The following AGO3 variants were observed in gnomAD, a reference collection of about 807,000 sequenced individuals.
AGO3 encodes the protein argonaute RISC catalytic component 3, also known as protein argonaute-3.
AGO3 carries 16 observed loss-of-function variants against 105.5 expected under a neutral mutation model. The observed-to-expected ratio is 0.15, with a 90% confidence interval of 0.10 to 0.23. AGO3 has a LOEUF of 0.23. Among genes scored for constraint, AGO3 ranks in the 10% least tolerant of loss-of-function variants. AGO3 has a pLI of 1.00. For missense variants in AGO3, 534 were observed against 1,088.0 expected (o/e 0.49, Z 7.16); for synonymous variants, 340 against 367.3 (o/e 0.93, Z 0.85).
At chr1:35,975,312 T>A (rs976466677) in intron 5 of AGO3, among the ~76,000 whole-genome samples, 2 of 152,186 alleles carry the variant, frequency 1.3e-5, no homozygotes, top group Non-Finnish European at 2.9e-5. Flanking sequence ...TCTTGTGTCT[T>A]CTTAATTTGT....
chr1:35,952,905 G>C (rs1646499689), intron 2 of AGO3, among the ~76,000 whole-genome samples: 1 of 152,012 alleles, frequency 6.6e-6, no homozygotes, highest in African/African-American at 2.4e-5. Flanking sequence ...CCTTTTTATT[G>C]CTGAATAATA....
chr1:36,025,432 T>C (rs1282451268), intron 11 of AGO3, among the ~76,000 whole-genome samples: 1 of 152,084 alleles, frequency 6.6e-6, no homozygotes, highest in Non-Finnish European at 1.5e-5. Flanking sequence ...ACAAAACCAT[T>C]TCCAATGTTT....
intron 3 of AGO3, among the ~76,000 whole-genome samples, chr1:35,967,299 T>C (rs926082025): frequency 6.6e-6 from 1 of 152,214 alleles, no homozygotes; most frequent in African/African-American, 2.4e-5. Context: ...TCTGAACATT[T>C]CCACCTTTGT....
At chr1:35,940,039 A>G (rs1312912069) in intron 1 of AGO3, among the ~76,000 whole-genome samples, 1 of 151,860 alleles carries the variant, frequency 6.6e-6, no homozygotes, top group African/African-American at 2.4e-5. Context: ...TGTCTCACAT[A>G]TTATTTTTTA....
chr1:36,023,320 T>C (rs144127007), intron 11 of AGO3, among the ~76,000 whole-genome samples: 9 of 152,308 alleles, frequency 5.9e-5, no homozygotes, highest in African/African-American at 2.2e-4. Flanking sequence ...ACTCAGTGCT[T>C]CTGGGGATTG....
intron 1 of AGO3, among the ~76,000 whole-genome samples, chr1:35,941,796 G>A (rs994666894): frequency 3.3e-5 from 5 of 152,138 alleles, no homozygotes; most frequent in African/African-American, 9.7e-5. Flanking sequence ...AGTTCAGGAC[G>A]AGCCTGGGCA....
At chr1:35,975,072 T>C (rs982660186) in intron 5 of AGO3, among the ~76,000 whole-genome samples, 3 of 152,184 alleles carry the variant, frequency 2.0e-5, no homozygotes, top group Non-Finnish European at 4.4e-5. Context: ...TTTTACATCA[T>C]TTTATGTATA....
chr1:36,002,623 T>G (rs1436999849), intron 5 of AGO3, among the ~76,000 whole-genome samples: 3 of 142,150 alleles, frequency 2.1e-5, no homozygotes, highest in Non-Finnish European at 3.1e-5. Context: ...TGAGCCACCG[T>G]GCCCGGCCAA....
intron 11 of AGO3, among the ~76,000 whole-genome samples, chr1:36,026,738 A>G (rs1270526391): frequency 3.3e-5 from 5 of 152,180 alleles, no homozygotes; most frequent in African/African-American, 4.8e-5. Context: ...CTTCACACCA[A>G]CCCTATAGTT....
chr1:36,040,552 C>A, intron 16 of AGO3, 111 bp downstream of exon 16: 1 of 1,133,658 alleles, frequency 8.8e-7, no homozygotes, highest in Non-Finnish European at 1.3e-6. Context: ...TATATAGTAG[C>A]AAATTTCAAC....
chr1:36,061,246 A>C lies in AGO3; in HGVS notation c.*5501A>C, dbSNP rs1643023527. ...TAATCTCACACACACACACAAAGGG[A>C]AAAATTATTTTGACTTTTTTCCTAC... On this transcript the variant is annotated 3_prime_UTR_variant, in exon 19 of 19. Coordinates refer to ENST00000373191, the MANE Select transcript of AGO3 (RefSeq NM_024852.4). 1 of 152,064 alleles carries C rather than the reference A, an allele frequency of 6.6e-6. No individual in the cohort carries two copies. The highest frequency in any genetic ancestry group is 2.4e-5 in the African/African-American group (1 of 41,386). 9.4% of individuals were successfully genotyped at this position (152,064 alleles called of 1,614,324 possible). A position where few individuals can be genotyped will look rare whatever the true frequency, so the allele number is the denominator to read the frequency against.
intron 11 of AGO3, among the ~76,000 whole-genome samples, chr1:36,019,334 T>C (rs1053431235): frequency 6.6e-6 from 1 of 152,234 alleles, no homozygotes; most frequent in African/African-American, 2.4e-5. Flanking sequence ...CCCATGGAAG[T>C]GGATCTGTTT....
chr1:36,051,983 C>T (rs939675308), intron 17 of AGO3, among the ~76,000 whole-genome samples: 1 of 152,036 alleles, frequency 6.6e-6, no homozygotes, highest in South Asian at 2.1e-4. Flanking sequence ...TACATTAGTA[C>T]AGCCATTAGG....
Position 36,040,318 on chromosome 1 carries a change from T to C in AGO3, c.2049T>C (p.Tyr683=). Residue 683 remains tyrosine (Y), a synonymous_variant, in exon 16 of 19, where the codon TAT becomes TAC. Coordinates refer to ENST00000373191, the MANE Select transcript of AGO3 (RefSeq NM_024852.4). ...TTCATATTCTCTAGGTATTATATTA[T>C]GAACTACTAGCAATTCGAGAAGCCT... ...SEGQFRQVLY[Y]ELLAIREACI... 1 of 1,613,320 alleles carries C rather than the reference T, an allele frequency of 6.2e-7. No individual in the cohort carries two copies. Among genetic ancestry groups the C allele is most frequent in the Non-Finnish European group, 8.5e-7 (1 of 1,179,358 alleles).
At chr1:35,931,763 C>A (rs1180575309) in intron 1 of AGO3, among the ~76,000 whole-genome samples, 1 of 152,244 alleles carries the variant, frequency 6.6e-6, no homozygotes, top group Non-Finnish European at 1.5e-5. Flanking sequence ...AGTTGGAGTG[C>A]GTGTCCTTTA....
chr1:35,931,561 C>A (rs1161848044), intron 1 of AGO3, 116 bp downstream of exon 1: 2 of 1,123,852 alleles, frequency 1.8e-6, no homozygotes, highest in East Asian at 6.5e-5. Context: ...GGGCATCGCT[C>A]GGTCTCCCGC....
rs1036186543 is a variant in AGO3, at chr1:35,937,981, T to A, written c.19+6536T>A. On this transcript the variant is annotated intron_variant, in intron 1 of 18. Coordinates refer to ENST00000373191, the MANE Select transcript of AGO3 (RefSeq NM_024852.4). ...CTTTTTCCAAAACAAAAATGTATTC[T>A]TTTTTTTTTTTTTTTTTGAGACGGA... Among the ~76,000 whole-genome samples the A allele has an allele frequency of 5.3e-3, 711 of 134,342 alleles. 3 individuals are homozygous for A. The highest frequency in any genetic ancestry group is 0.02 in the African/African-American group (684 of 33,662). The allele number at this position is 134,342 out of a possible 152,430, so 88.1% of individuals were successfully genotyped here.
chr1:35,960,488 AT>A (rs1000574985), intron 2 of AGO3, among the ~76,000 whole-genome samples: 24 of 149,046 alleles, frequency 1.6e-4, no homozygotes, highest in Middle Eastern at 3.5e-3. Context: ...TCAAAAAAAA[AT>A]TTTTTTTTTT....
intron 11 of AGO3, among the ~76,000 whole-genome samples, chr1:36,026,769 G>A (rs1358838759): frequency 6.6e-6 from 1 of 152,164 alleles, no homozygotes; most frequent in African/African-American, 2.4e-5. Context: ...TTTTACAGAT[G>A]AGGAAAACTG....
Sources: allele counts gnomAD v4.1 joint callset (sites outside exome capture counted in the v4.1 genomes callset), GRCh38; gene constraint gnomAD v4.1.1; transcripts MANE v1.5; gene names NCBI Gene and HGNC (gene_info 2026-07-23, HGNC 2026-07-21).